DPP6: variants seen among roughly 807,000 people sequenced by gnomAD.
DPP6 encodes the protein A-type potassium channel modulatory protein DPP6.
A neutral mutation model predicts 122.6 loss-of-function variants in DPP6; 69 were observed. The ratio of observed to expected loss-of-function variants is 0.56; its 90% CI spans 0.46 to 0.69. The LOEUF (loss-of-function observed/expected upper bound fraction) is 0.69, where lower values mean the gene tolerates loss of function less well. Among genes scored for constraint, DPP6 ranks in the 30% least tolerant of loss-of-function variants. DPP6 has a pLI of 0.00. For missense variants in DPP6, 928 were observed against 1,116.9 expected, an observed-to-expected ratio of 0.83 and a Z score of 2.41; for synonymous variants, 418 against 433.1, an observed-to-expected ratio of 0.97 and a Z score of 0.43.
At chr7:154,193,082 A>G (rs1015545420) in intron 1 of DPP6, among the ~76,000 whole-genome samples, 2 of 152,256 alleles carry the variant, frequency 1.3e-5, no homozygotes, top group East Asian at 3.8e-4. Context: ...TGCTATTGCC[A>G]TGGAAGAGCC....
At chr7:154,128,789 A>G (rs1399486464) in intron 1 of DPP6, among the ~76,000 whole-genome samples, 2 of 150,008 alleles carry the variant, frequency 1.3e-5, no homozygotes, top group East Asian at 3.9e-4. Flanking sequence ...TCCAAAGGCA[A>G]TCTTAGCAGG....
At chr7:154,097,089 G>A (rs1315982442) in intron 1 of DPP6, among the ~76,000 whole-genome samples, 1 of 152,210 alleles carries the variant, frequency 6.6e-6, no homozygotes, top group Non-Finnish European at 1.5e-5. Context: ...TTTGGAGGAC[G>A]CCCAGCCTCC....
intron 1 of DPP6, among the ~76,000 whole-genome samples, chr7:153,906,666 G>A (rs112925950): frequency 0.16 from 24,837 of 152,160 alleles, 2,490 homozygotes; most frequent in Non-Finnish European, 0.22. Context: ...TGCCCAGGCT[G>A]GTCTCAAACT....
Position 154,750,601 on chromosome 7 carries a change from G to T in DPP6, c.884-18816G>T, listed in dbSNP as rs564475200. Among the ~76,000 whole-genome samples, 5 of 152,336 alleles carry T rather than the reference G, an allele frequency of 3.3e-5. No individual in the cohort carries two copies. The East Asian group carries it at 7.7e-4, about 23-fold the overall frequency. Reference sequence around the variant, plus strand: ...CGGGCAGAGCTGAAGGGTGGCGGGGGTCGGCTTCCTCCTCTCTGCCTCTTC... The same window carrying T: ...CGGGCAGAGCTGAAGGGTGGCGGGGTTCGGCTTCCTCCTCTCTGCCTCTTC... On this transcript the variant is annotated intron_variant, in intron 8 of 25. Transcript: ENST00000377770.
In DPP6 at chr7:154,403,408, G is replaced by A. The variant is rs944962230; in HGVS notation, c.244-42806G>A. 2.6e-5 allele frequency among the ~76,000 whole-genome samples: 4 copies of A among 152,148 alleles called. No homozygotes were observed. The highest frequency in any genetic ancestry group is 9.7e-5 in the African/African-American group (4 of 41,424). On this transcript the variant is annotated intron_variant, in intron 1 of 25. Coordinates refer to ENST00000377770, the MANE Select transcript of DPP6 (RefSeq NM_130797.4). The surrounding 1 kb of genome is among the most constrained non-coding windows in gnomAD (Gnocchi z 4.1). ...CTGGAGTTGCGGTAGATGCCTCCTG[G>A]GTGTTGAAGAGTCCGAAGGATCCAG...
At chr7:154,643,916 C>T (rs954662963) in intron 6 of DPP6, among the ~76,000 whole-genome samples, 29 of 152,132 alleles carry the variant, frequency 1.9e-4, no homozygotes, top group African/African-American at 6.8e-4. Context: ...GGAGATACTC[C>T]AGGCAGGGTA....
At chr7:154,490,176 A>T (rs1274942379) in intron 3 of DPP6, among the ~76,000 whole-genome samples, 1 of 152,258 alleles carries the variant, frequency 6.6e-6, no homozygotes, top group African/African-American at 2.4e-5. Flanking sequence ...AAACATGCCC[A>T]AAGTCCAGTG....
chr7:154,470,438 C>G (rs1822161430), intron 2 of DPP6, among the ~76,000 whole-genome samples: 2 of 152,164 alleles, frequency 1.3e-5, no homozygotes. Flanking sequence ...TCTTTGTTAC[C>G]AAGCTGAGTT....
chr7:153,799,636 T>C, the DPP6 span, among the ~76,000 whole-genome samples: 11 of 152,332 alleles, frequency 7.2e-5, no homozygotes, highest in African/African-American at 2.6e-4. Flanking sequence ...AAACTTCTCA[T>C]CCATGTGTGT....
intron 1 of DPP6, among the ~76,000 whole-genome samples, chr7:154,303,231 G>T (rs922146054): frequency 6.6e-6 from 1 of 152,196 alleles, no homozygotes. Flanking sequence ...AACTGCGCTG[G>T]TCTACTTTAA....
chr7:154,192,547 G>A (rs1271082085), intron 1 of DPP6, among the ~76,000 whole-genome samples: 4 of 152,224 alleles, frequency 2.6e-5, no homozygotes, highest in Non-Finnish European at 5.9e-5. Context: ...TAAGGTGTGA[G>A]AATTGCCAGA....
At chr7:154,623,791 A>T (rs1306024862) in intron 5 of DPP6, among the ~76,000 whole-genome samples, 1 of 152,272 alleles carries the variant, frequency 6.6e-6, no homozygotes, top group East Asian at 1.9e-4. Context: ...ACCATTTATC[A>T]AGTTATAACT....
At chr7:154,083,624 C>G (rs1197150020) in intron 1 of DPP6, among the ~76,000 whole-genome samples, 13 of 149,750 alleles carry the variant, frequency 8.7e-5, no homozygotes, top group Non-Finnish European at 1.9e-4. Context: ...GGGGACAGCT[C>G]TAGGGACTTA....
chr7:154,154,850 G>A (rs888072512), intron 1 of DPP6, among the ~76,000 whole-genome samples: 20 of 152,216 alleles, frequency 1.3e-4, no homozygotes, highest in Non-Finnish European at 2.4e-4. Flanking sequence ...TCGAGCTCAC[G>A]AATGGTAAGA....
rs1332788526 is a variant in DPP6, at chr7:154,241,228, T to TAG, written c.243+188166_243+188167insGA. On this transcript the variant is annotated intron_variant, in intron 1 of 25. Coordinates refer to ENST00000377770, the MANE Select transcript of DPP6 (RefSeq NM_130797.4). This position sits in a 1 kb window ranked among gnomAD's most constrained non-coding sequence, Gnocchi z 9.0. ...GTGTGTGTGTGTGTGTGTATATATA[T>TAG]ATAGAGAGAGAGAGAGACACTTTTA... Among the ~76,000 whole-genome samples the TAG allele has an allele frequency of 4.8e-4, 72 of 150,922 alleles. No individual in the cohort carries two copies. Among genetic ancestry groups the TAG allele is most frequent in the Admixed American group, 2.1e-3 (32 of 15,188 alleles).
intron 4 of DPP6, among the ~76,000 whole-genome samples, chr7:154,543,203 A>G (rs932875633): frequency 1.3e-5 from 2 of 152,240 alleles, no homozygotes; most frequent in African/African-American, 4.8e-5. Flanking sequence ...ATCTGAGGCC[A>G]ACTGTAATTT....
intron 1 of DPP6, among the ~76,000 whole-genome samples, chr7:154,028,703 A>G (rs1170607202): frequency 3.3e-5 from 5 of 152,036 alleles, no homozygotes; most frequent in Admixed American, 2.6e-4. Flanking sequence ...ATAGAAGCAG[A>G]TACTGCTTCT....
intron 1 of DPP6, among the ~76,000 whole-genome samples, chr7:154,316,039 T>G (rs897629990): frequency 6.6e-6 from 1 of 152,196 alleles, no homozygotes; most frequent in East Asian, 1.9e-4. Flanking sequence ...TCTCTAAACC[T>G]CCTCTACTGA....
intron 5 of DPP6, among the ~76,000 whole-genome samples, chr7:154,623,599 G>T (rs983504325): frequency 2.2e-5 from 3 of 138,430 alleles, no homozygotes; most frequent in African/African-American, 5.5e-5. Flanking sequence ...GCACACACAC[G>T]CTGACACACA....
Sources: allele counts gnomAD v4.1 joint callset (sites outside exome capture counted in the v4.1 genomes callset), GRCh38; gene constraint gnomAD v4.1.1; non-coding constraint Gnocchi (gnomAD v3.1); transcripts MANE v1.5; gene names NCBI Gene and HGNC (gene_info 2026-07-23, HGNC 2026-07-21).